Variants in SLC25A21 observed in about 807,000 individuals in gnomAD.
The protein encoded by SLC25A21 is solute carrier family 25 member 21.
SLC25A21 carries 47 observed loss-of-function variants against 43.8 expected under a neutral mutation model. The observed-to-expected ratio is 1.07, with a 90% confidence interval of 0.85 to 1.37. The LOEUF is 1.37. Among genes scored for constraint, SLC25A21 ranks in the 40% most tolerant of loss-of-function variants. SLC25A21 has a pLI of 0.00. For missense variants in SLC25A21, 352 were observed against 350.2 expected (o/e 1.00, Z -0.04); for synonymous variants, 131 against 121.3 (o/e 1.08, Z -0.52).
rs199746791 is a variant in SLC25A21, at chr14:36,915,026, A to AT, written c.71-40023dup. Among the ~76,000 whole-genome samples the AT allele has an allele frequency of 4.0e-3, 601 of 151,138 alleles. 2 individuals carry two copies. The highest frequency in any genetic ancestry group is 0.01 in the Middle Eastern group (3 of 288). On this transcript the variant is annotated intron_variant, in intron 1 of 9. Coordinates refer to ENST00000331299, the MANE Select transcript of SLC25A21 (RefSeq NM_030631.4). ...AGTTTCCTTAAAAAAAAAACTTACT[A>AT]TTTTTTTTTACCCTAAAAATGATCA...
intron 3 of SLC25A21, among the ~76,000 whole-genome samples, chr14:36,752,982 G>A (rs538971941): frequency 9.9e-5 from 15 of 152,236 alleles, no homozygotes; most frequent in Non-Finnish European, 1.9e-4. Flanking sequence ...TTAGCAATGT[G>A]AGAACGAACT....
intron 1 of SLC25A21, among the ~76,000 whole-genome samples, chr14:37,038,476 T>C (rs1594763663): frequency 1.3e-5 from 2 of 152,332 alleles, no homozygotes; most frequent in South Asian, 2.1e-4. Context: ...ATGTGACATA[T>C]TATTTCTACT....
chr14:37,152,950 A>G (rs1963784518), intron 1 of SLC25A21, among the ~76,000 whole-genome samples: 1 of 152,192 alleles, frequency 6.6e-6, no homozygotes, highest in African/African-American at 2.4e-5. Flanking sequence ...CTGATGCTCA[A>G]CACAGAAGAG....
At chr14:36,842,638 AAAG>A (rs1320053273) in intron 2 of SLC25A21, among the ~76,000 whole-genome samples, 2 of 152,212 alleles carry the variant, frequency 1.3e-5, no homozygotes, top group East Asian at 1.9e-4. Context: ...TGGTGCCAAT[AAAG>A]AAGGAGACTT....
intron 3 of SLC25A21, among the ~76,000 whole-genome samples, chr14:36,801,453 A>G (rs1295408117): frequency 1.5e-4 from 23 of 151,974 alleles, no homozygotes; most frequent in Admixed American, 1.5e-3. Context: ...TTCCCCCAAC[A>G]CTTCCCACAA....
intron 3 of SLC25A21, among the ~76,000 whole-genome samples, chr14:36,749,979 C>T (rs1449926684): frequency 6.6e-6 from 1 of 152,202 alleles, no homozygotes; most frequent in Non-Finnish European, 1.5e-5. Flanking sequence ...AAGATGTCAG[C>T]TCCATGAGGG....
intron 1 of SLC25A21, among the ~76,000 whole-genome samples, chr14:37,034,394 C>T (rs1016550995): frequency 6.6e-6 from 1 of 152,086 alleles, no homozygotes; most frequent in South Asian, 2.1e-4. Context: ...TCTGTCTGAT[C>T]GTATATGGGA....
chr14:37,140,844 TA>T (rs1340203775), intron 1 of SLC25A21, among the ~76,000 whole-genome samples: 1 of 150,766 alleles, frequency 6.6e-6, no homozygotes, highest in Non-Finnish European at 1.5e-5. Flanking sequence ...TTTTTTTTTT[TA>T]ACTTTATAAG....
intron 7 of SLC25A21, among the ~76,000 whole-genome samples, chr14:36,687,601 G>A (rs1882612160): frequency 6.6e-6 from 1 of 152,192 alleles, no homozygotes; most frequent in Non-Finnish European, 1.5e-5. Context: ...TGGGCCAGTA[G>A]GCAGTTTCTT....
chr14:37,075,189 T>G (rs1461905875), intron 1 of SLC25A21, among the ~76,000 whole-genome samples: 2 of 152,146 alleles, frequency 1.3e-5, no homozygotes, highest in East Asian at 3.9e-4. Flanking sequence ...ACCTCTCGAC[T>G]TAACGTTTTC....
chr14:37,164,137 T>C (rs923983393), intron 1 of SLC25A21, among the ~76,000 whole-genome samples: 6 of 152,168 alleles, frequency 3.9e-5, no homozygotes, highest in African/African-American at 1.4e-4. Context: ...AGTTACACTT[T>C]TAAAACATCT....
chr14:36,687,275 C>T (rs935457794), intron 7 of SLC25A21, among the ~76,000 whole-genome samples: 3 of 152,258 alleles, frequency 2.0e-5, no homozygotes, highest in South Asian at 4.1e-4. Flanking sequence ...CTATACATTT[C>T]CCAGCACAAC....
chr14:37,170,009 C>A (rs1406726557), intron 1 of SLC25A21, among the ~76,000 whole-genome samples: 1 of 151,892 alleles, frequency 6.6e-6, no homozygotes, highest in African/African-American at 2.4e-5. Context: ...TATCACTCAA[C>A]AAAACAGCAT....
intron 1 of SLC25A21, among the ~76,000 whole-genome samples, chr14:37,089,213 T>C (rs566995247): frequency 6.6e-5 from 10 of 152,282 alleles, no homozygotes; most frequent in African/African-American, 1.2e-4. Flanking sequence ...AAAAAAATCA[T>C]AGACTTTCTA....
At chr14:36,703,567 G>A (rs942786155) in intron 7 of SLC25A21, among the ~76,000 whole-genome samples, 4 of 152,090 alleles carry the variant, frequency 2.6e-5, no homozygotes, top group Non-Finnish European at 5.9e-5. Context: ...CAACACAAAA[G>A]GTCTATTGTT....
At chr14:36,735,491 G>A (rs1884993858) in intron 3 of SLC25A21, among the ~76,000 whole-genome samples, 1 of 152,150 alleles carries the variant, frequency 6.6e-6, no homozygotes, top group African/African-American at 2.4e-5. Context: ...CCTAATTTAG[G>A]ATATCCAGCT....
At chr14:36,846,395 C>CT (rs945118536) in intron 2 of SLC25A21, among the ~76,000 whole-genome samples, 9 of 151,506 alleles carry the variant, frequency 5.9e-5, no homozygotes, top group South Asian at 2.1e-4. Flanking sequence ...GCAAGCCAGA[C>CT]TTTTTTTTTC....
chr14:36,738,482 T>C (rs955624034), intron 3 of SLC25A21, among the ~76,000 whole-genome samples: 1 of 152,244 alleles, frequency 6.6e-6, no homozygotes, highest in Non-Finnish European at 1.5e-5. Context: ...CCCGCTTATG[T>C]CACGAGCAGC....
At position 37,172,587 on chromosome 14, in the gene SLC25A21, A is replaced by C; in HGVS notation, c.-237T>G. 1.4e-6 allele frequency: 1 copy of C among 694,210 alleles called. No individual in the cohort carries two copies. Among genetic ancestry groups the C allele is most frequent in the Non-Finnish European group, 2.6e-6 (1 of 379,784 alleles). 43.0% of individuals were successfully genotyped at this position (694,210 alleles called of 1,614,324 possible). ...TCTCGCAGAGGCGCCCTCGGCTCCG[A>C]AAATGTCTCTGGAAAGAAGACCCGC... On this transcript the variant is annotated 5_prime_UTR_variant, in exon 1 of 10. Coordinates refer to ENST00000331299, the MANE Select transcript of SLC25A21 (RefSeq NM_030631.4).
Sources: gnomAD v4.1 joint callset for allele counts (sites outside exome capture counted in the v4.1 genomes callset) on GRCh38, gnomAD v4.1.1 for gene constraint, MANE v1.5 for transcripts, NCBI Gene and HGNC (gene_info 2026-07-23, HGNC 2026-07-21) for gene names.